Variants in TMEM232 observed in about 807,000 individuals in gnomAD.
The protein encoded by TMEM232 is transmembrane protein 232.
In TMEM232, 80 loss-of-function variants were observed where a neutral mutation model predicts 78.8. The observed-to-expected ratio is 1.01, with a 90% CI of 0.85 to 1.22. The LOEUF is 1.22. Ranked by LOEUF, TMEM232 falls within the 50% of genes most tolerant of loss-of-function variation. The pLI is 0.00. For missense variants in TMEM232, 881 were observed against 742.2 expected (o/e 1.19, Z -2.17); for synonymous variants, 297 against 254.3 (o/e 1.17, Z -1.60).
chr5:110,595,295 G>A (rs942461438), intron 10 of TMEM232, among the ~76,000 whole-genome samples: 1 of 152,160 alleles, frequency 6.6e-6, no homozygotes, highest in African/African-American at 2.4e-5. Context: ...ATCAAAGGTA[G>A]ATAAATTCAC....
chr5:110,593,582 T>C (rs772592895), intron 10 of TMEM232, among the ~76,000 whole-genome samples: 3 of 152,126 alleles, frequency 2.0e-5, no homozygotes, highest in Non-Finnish European at 2.9e-5. Flanking sequence ...TAGGACAACC[T>C]GCATATTCTT....
At chr5:110,706,185 A>G (rs1266345602) in intron 1 of TMEM232, among the ~76,000 whole-genome samples, 1 of 152,186 alleles carries the variant, frequency 6.6e-6, no homozygotes, top group Non-Finnish European at 1.5e-5. Context: ...ATGAGATATT[A>G]TAAATGATCA....
chr5:110,538,145 C>T (rs929794238), intron 11 of TMEM232, among the ~76,000 whole-genome samples: 1 of 152,170 alleles, frequency 6.6e-6, no homozygotes, highest in Admixed American at 6.5e-5. Context: ...GGGGGTTACA[C>T]AAGCCAAGGA....
At chr5:110,447,697 G>A (rs1318636241) in intron 12 of TMEM232, among the ~76,000 whole-genome samples, 2 of 152,042 alleles carry the variant, frequency 1.3e-5, no homozygotes, top group Admixed American at 1.3e-4. Context: ...GGGGCTGAAA[G>A]TCGCAAGAAT....
In TMEM232 at chr5:110,588,701, AT is replaced by A. The variant is rs1561746487; in HGVS notation, c.1276+16407del. Among the ~76,000 whole-genome samples the A allele has an allele frequency of 8.5e-5, 13 of 152,262 alleles. No individual in the cohort carries two copies. The South Asian group carries it at 2.7e-3, about 32-fold the overall frequency. On this transcript the variant is annotated intron_variant, in intron 10 of 13. Coordinates refer to ENST00000455884, the MANE Select transcript of TMEM232 (RefSeq NM_001039763.4). ...AAATTTCATTGTAGTGTAAGGACAG[AT>A]CTTTCAGAGTCCAAAAGTGGAAAGA...
intron 10 of TMEM232, among the ~76,000 whole-genome samples, chr5:110,591,677 A>G (rs1220216886): frequency 2.0e-5 from 3 of 152,164 alleles, no homozygotes; most frequent in Admixed American, 2.0e-4. Context: ...TAATGAAAAT[A>G]AGTTTTAGAA....
At chr5:110,688,093 ATG>A (rs10528620) in intron 1 of TMEM232, among the ~76,000 whole-genome samples, 121,282 of 148,724 alleles carry the variant, frequency 0.82, 50,034 homozygotes, top group East Asian at 0.92. Flanking sequence ...CTCTGAGGGG[ATG>A]TGTGTGTGTG....
intron 2 of TMEM232, among the ~76,000 whole-genome samples, chr5:110,653,578 G>T (rs1357703380): frequency 6.6e-6 from 1 of 152,158 alleles, no homozygotes; most frequent in Non-Finnish European, 1.5e-5. Flanking sequence ...AGAATTTAGA[G>T]ATTAGGTGGA....
chr5:110,639,666 G>T (rs142299506), intron 4 of TMEM232, among the ~76,000 whole-genome samples: 1,524 of 152,298 alleles, frequency 0.01, 32 homozygotes, highest in African/African-American at 0.034. Flanking sequence ...TTACATCACT[G>T]TGCTCAGGAC....
chr5:110,519,245 C>A (rs536943575), intron 12 of TMEM232, among the ~76,000 whole-genome samples: 1 of 152,210 alleles, frequency 6.6e-6, no homozygotes, highest in South Asian at 2.1e-4. Flanking sequence ...GGACTTCCAA[C>A]AATCAAAACA....
intron 2 of TMEM232, among the ~76,000 whole-genome samples, chr5:110,401,283 CTT>C (rs1278936876): frequency 6.9e-6 from 1 of 143,976 alleles, no homozygotes; most frequent in African/African-American, 2.6e-5. Flanking sequence ...ACACAACATT[CTT>C]TTTTTTTTTG....
intron 8 of TMEM232, among the ~76,000 whole-genome samples, chr5:110,606,863 C>T (rs1349263678): frequency 6.6e-6 from 1 of 151,736 alleles, no homozygotes; most frequent in Non-Finnish European, 1.5e-5. Flanking sequence ...TATAAATGTA[C>T]ATATATTTTG....
chr5:110,444,102 G>A (rs948677767), intron 12 of TMEM232, among the ~76,000 whole-genome samples: 9 of 152,176 alleles, frequency 5.9e-5, no homozygotes, highest in African/African-American at 2.2e-4. Flanking sequence ...TATCTCCTTA[G>A]GTCATGTGCC....
At chr5:110,724,062 C>G (rs1797922804) in intron 1 of TMEM232, among the ~76,000 whole-genome samples, 1 of 152,190 alleles carries the variant, frequency 6.6e-6, no homozygotes, top group Non-Finnish European at 1.5e-5. Context: ...CCATCAAATA[C>G]AATCCTAGGA....
At chr5:110,459,101 A>G (rs934756311) in intron 12 of TMEM232, among the ~76,000 whole-genome samples, 5 of 152,160 alleles carry the variant, frequency 3.3e-5, no homozygotes, top group African/African-American at 7.2e-5. Flanking sequence ...ACATTTCTTT[A>G]CCAGCCTTGT....
At chr5:110,450,184 T>G (rs1438138250) in intron 12 of TMEM232, among the ~76,000 whole-genome samples, 1 of 152,180 alleles carries the variant, frequency 6.6e-6, no homozygotes, top group Non-Finnish European at 1.5e-5. Context: ...CCATACTTCC[T>G]GTATAGTCTG....
At chr5:110,702,399 G>A (rs1186195818) in intron 1 of TMEM232, among the ~76,000 whole-genome samples, 1 of 151,858 alleles carries the variant, frequency 6.6e-6, no homozygotes, top group African/African-American at 2.4e-5. Context: ...TGCTCCTTAA[G>A]GCCACTCAGG....
intron 12 of TMEM232, among the ~76,000 whole-genome samples, chr5:110,434,687 T>C (rs187484950): frequency 1.3e-5 from 2 of 152,164 alleles, no homozygotes; most frequent in East Asian, 1.9e-4. Flanking sequence ...CTGATGAACA[T>C]AGATAGAAAA....
chr5:110,646,850 T>C (rs1317012173), intron 2 of TMEM232, among the ~76,000 whole-genome samples: 1 of 151,548 alleles, frequency 6.6e-6, no homozygotes, highest in East Asian at 1.9e-4. Flanking sequence ...CAAAAAGAAA[T>C]GACCTGATTA....
Sources: gnomAD v4.1 joint callset for allele counts (sites outside exome capture counted in the v4.1 genomes callset) on GRCh38, gnomAD v4.1.1 for gene constraint, MANE v1.5 for transcripts, NCBI Gene and HGNC (gene_info 2026-07-23, HGNC 2026-07-21) for gene names.